Variants in CFAP299 observed in about 807,000 individuals in gnomAD.
CFAP299 encodes cilia and flagella associated protein 299.
A neutral mutation model predicts 27.0 loss-of-function variants in CFAP299; 21 were observed. The observed-to-expected ratio is 0.78, with a 90% CI of 0.55 to 1.12. CFAP299 has a LOEUF of 1.12. CFAP299 is among the 50% of genes most tolerant of loss of function. The pLI, the probability that CFAP299 is intolerant of heterozygous loss-of-function variation, is 0.00. For synonymous variants in CFAP299, 104 were observed against 98.1 expected, an observed-to-expected ratio of 1.06 and a Z score of -0.36; for missense variants, 310 against 276.6, an observed-to-expected ratio of 1.12 and a Z score of -0.86.
chr4:80,390,724 C>CACACACAT (rs1560543496), intron 2 of CFAP299, among the ~76,000 whole-genome samples: 2 of 119,246 alleles, frequency 1.7e-5, no homozygotes, highest in Non-Finnish European at 3.4e-5. Flanking sequence ...TACACACATA[C>CACACACAT]ATGTATATAT....
intron 3 of CFAP299, among the ~76,000 whole-genome samples, chr4:80,818,340 T>C (rs1729529276): frequency 6.6e-6 from 1 of 152,200 alleles, no homozygotes; most frequent in Non-Finnish European, 1.5e-5. Flanking sequence ...TTTTGTTTGG[T>C]TCCAAATAGT....
chr4:80,844,975 C>T (rs1731090463), intron 3 of CFAP299, among the ~76,000 whole-genome samples: 1 of 152,142 alleles, frequency 6.6e-6, no homozygotes, highest in African/African-American at 2.4e-5. Flanking sequence ...CTACATATGG[C>T]TAGCCAGTTT....
At chr4:80,635,426 T>C (rs1173427565) in intron 3 of CFAP299, among the ~76,000 whole-genome samples, 1 of 152,176 alleles carries the variant, frequency 6.6e-6, no homozygotes, top group Non-Finnish European at 1.5e-5. Flanking sequence ...AGCTGTCTTA[T>C]AACTAACAGA....
intron 2 of CFAP299, among the ~76,000 whole-genome samples, chr4:80,565,561 G>T (rs1231548623): frequency 6.6e-6 from 1 of 151,960 alleles, no homozygotes; most frequent in African/African-American, 2.4e-5. Context: ...GTAGAATTCT[G>T]TGAATATTTT....
rs186674913 is a variant in CFAP299 at position 80,725,163 on chromosome 4, C to T, written c.333+141980C>T. On this transcript the variant is annotated intron_variant, in intron 3 of 5. Coordinates refer to ENST00000358105, the MANE Select transcript of CFAP299 (RefSeq NM_152770.3). ...TAGAGATGGGGTTTCACCACGTTGG[C>T]CAGGCTGGTCTCAAACTCCTGACCT... Among the ~76,000 whole-genome samples the T allele has an allele frequency of 5.2e-3, 674 of 128,414 alleles. 4 individuals carry two copies. Among genetic ancestry groups the T allele is most frequent in the Middle Eastern group, 0.033 (6 of 182 alleles). The allele number at this position is 128,414 out of a possible 152,430, so 84.2% of individuals were successfully genotyped here. A position where few individuals can be genotyped will look rare whatever the true frequency, so the allele number is the denominator to read the frequency against.
At chr4:80,490,839 G>A (rs1731083664) in intron 2 of CFAP299, among the ~76,000 whole-genome samples, 1 of 151,266 alleles carries the variant, frequency 6.6e-6, no homozygotes. Flanking sequence ...TCTGCAGAAG[G>A]GATTACTGTC....
intron 2 of CFAP299, among the ~76,000 whole-genome samples, chr4:80,489,259 G>A (rs1460822208): frequency 6.6e-6 from 1 of 152,078 alleles, no homozygotes; most frequent in Non-Finnish European, 1.5e-5. Flanking sequence ...TCATCTTGTG[G>A]TTTTGAATTG....
intron 3 of CFAP299, among the ~76,000 whole-genome samples, chr4:80,802,718 T>C (rs1728674452): frequency 6.6e-6 from 1 of 152,042 alleles, no homozygotes; most frequent in African/African-American, 2.4e-5. Context: ...TGTGTTTCTC[T>C]CGATTTTTCT....
intron 3 of CFAP299, among the ~76,000 whole-genome samples, chr4:80,715,003 T>G (rs1379245526): frequency 1.3e-5 from 2 of 152,140 alleles, no homozygotes; most frequent in Non-Finnish European, 2.9e-5. Flanking sequence ...GAGTTCTTAC[T>G]GAATTCCACA....
intron 4 of CFAP299, chr4:80,871,923 TTG>T (rs1178797094): frequency 1.3e-5 from 2 of 152,950 alleles, no homozygotes; most frequent in Non-Finnish European, 2.9e-5. Flanking sequence ...TCAAGTGATT[TTG>T]TGTTTTGTCT....
intron 2 of CFAP299, among the ~76,000 whole-genome samples, chr4:80,375,563 G>T (rs1392712659): frequency 6.6e-6 from 1 of 152,192 alleles, no homozygotes; most frequent in Non-Finnish European, 1.5e-5. Flanking sequence ...TGATCCACAT[G>T]CAGTCTGTCA....
intron 5 of CFAP299, among the ~76,000 whole-genome samples, chr4:80,946,659 C>CT (rs1737494180): frequency 1.3e-5 from 2 of 152,268 alleles, no homozygotes; most frequent in East Asian, 1.9e-4. Context: ...TAACAATACT[C>CT]TTTTTTGGTC....
At chr4:80,848,518 A>G (rs1448278048) in intron 3 of CFAP299, among the ~76,000 whole-genome samples, 1 of 152,142 alleles carries the variant, frequency 6.6e-6, no homozygotes, top group Non-Finnish European at 1.5e-5. Context: ...ATAAAAATAT[A>G]GTATATTGGG....
At position 80,895,127 on chromosome 4, in the gene CFAP299, T is replaced by C. The variant is rs138016167; in HGVS notation, c.476+24992T>C. On this transcript the variant is annotated intron_variant, in intron 4 of 5. Coordinates refer to ENST00000358105, the MANE Select transcript of CFAP299 (RefSeq NM_152770.3). ...GTGAATAGTTAACAATACCCTATTA[T>C]ATACTTGAAATTTGCTCAGATAATA... Among the ~76,000 whole-genome samples, 593 of 151,928 alleles carry C rather than the reference T, an allele frequency of 3.9e-3. 4 individuals are homozygous for C. Among genetic ancestry groups the C allele is most frequent in the Non-Finnish European group, 4.5e-3 (308 of 67,818 alleles).
intron 2 of CFAP299, among the ~76,000 whole-genome samples, chr4:80,522,410 T>C (rs1392475527): frequency 6.6e-6 from 1 of 152,086 alleles, no homozygotes; most frequent in African/African-American, 2.4e-5. Context: ...CAAACCCTTA[T>C]CAGTTAAAGG....
intron 3 of CFAP299, among the ~76,000 whole-genome samples, chr4:80,722,752 T>C (rs1370646924): frequency 2.6e-5 from 4 of 151,582 alleles, no homozygotes; most frequent in African/African-American, 9.7e-5. Flanking sequence ...TACAAAAAAT[T>C]AGCCGGGCGA....
chr4:80,753,460 G>T (rs900776766), intron 3 of CFAP299, among the ~76,000 whole-genome samples: 3 of 151,832 alleles, frequency 2.0e-5, no homozygotes, highest in Non-Finnish European at 4.4e-5. Flanking sequence ...ATATGATATT[G>T]GTTTTTTGTT....
In CFAP299 at chr4:80,701,828, A is replaced by T. The variant is rs185081385; in HGVS notation, c.333+118645A>T. Among the ~76,000 whole-genome samples, 767 of 152,138 alleles carry T rather than the reference A, an allele frequency of 5.0e-3. 5 individuals are homozygous for T. The highest frequency in any genetic ancestry group is 0.02 in the Middle Eastern group (6 of 294). On this transcript the variant is annotated intron_variant, in intron 3 of 5. Transcript: ENST00000358105. Reference sequence around the variant, plus strand: ...TACTTTTTACAGGCAAATGAAATAGAATGATTATAAACAATGAACTTGCCA... The same window carrying T: ...TACTTTTTACAGGCAAATGAAATAGTATGATTATAAACAATGAACTTGCCA...
intron 3 of CFAP299, among the ~76,000 whole-genome samples, chr4:80,778,285 C>T (rs902018007): frequency 1.3e-5 from 2 of 152,112 alleles, no homozygotes; most frequent in African/African-American, 4.8e-5. Context: ...GTTATACCAA[C>T]TTGGAGAAGA....
Sources: gnomAD v4.1 joint callset for allele counts (sites outside exome capture counted in the v4.1 genomes callset) on GRCh38, gnomAD v4.1.1 for gene constraint, MANE v1.5 for transcripts, NCBI Gene and HGNC (gene_info 2026-07-23, HGNC 2026-07-21) for gene names.